Variants in POU2F1 observed in about 807,000 individuals in gnomAD.
The protein encoded by POU2F1 is POU class 2 homeobox 1.
A neutral mutation model predicts 84.9 loss-of-function variants in POU2F1; 16 were observed. The observed-to-expected ratio is 0.19, with a 90% CI of 0.13 to 0.29. The LOEUF is 0.29. Ranked by LOEUF, POU2F1 falls within the 10% of genes least tolerant of loss-of-function variation. The pLI, the probability that POU2F1 is intolerant of heterozygous loss-of-function variation, is 1.00. For missense variants in POU2F1, 738 were observed against 942.6 expected (o/e 0.78, Z 2.84); for synonymous variants, 368 against 368.3 (o/e 1.00, Z 0.01).
chr1:167,395,140 A>G (rs1056302090), intron 9 of POU2F1, among the ~76,000 whole-genome samples: 1 of 152,228 alleles, frequency 6.6e-6, no homozygotes, highest in Non-Finnish European at 1.5e-5. Context: ...CAACTATCTT[A>G]CGCTTTTTTC....
chr1:167,375,680 A>G (rs1660279870), intron 6 of POU2F1, among the ~76,000 whole-genome samples: 1 of 152,218 alleles, frequency 6.6e-6, no homozygotes, highest in African/African-American at 2.4e-5. Context: ...AAGATCAATC[A>G]AATATTTAAA....
chr1:167,294,640 T>C (rs1654165012), intron 1 of POU2F1, among the ~76,000 whole-genome samples: 1 of 152,118 alleles, frequency 6.6e-6, no homozygotes, highest in Non-Finnish European at 1.5e-5. Context: ...CAAAATAAGA[T>C]ATACAAGTGG....
At chr1:167,275,037 T>G (rs1008163906) in intron 1 of POU2F1, among the ~76,000 whole-genome samples, 1 of 148,208 alleles carries the variant, frequency 6.7e-6, no homozygotes, top group African/African-American at 2.5e-5. Context: ...AATGTATTTT[T>G]TTTTTTTTTT....
Position 167,370,155 on chromosome 1 carries a change from T to C in POU2F1, c.229-6T>C, listed in dbSNP as rs745341979. 1 of 1,603,412 alleles carries C rather than the reference T, an allele frequency of 6.2e-7. No homozygotes were observed. The highest frequency in any genetic ancestry group is 8.5e-7 in the Non-Finnish European group (1 of 1,172,670). ...TTAAACTAGAACTTCCCCTGATTAC[T>C]TATAGGTCCAACTCGCTGGAACAAG... On this transcript the variant is annotated splice_region_variant and splice_polypyrimidine_tract_variant and intron_variant, in intron 3 of 15. Transcript: ENST00000367866.
intron 8 of POU2F1, among the ~76,000 whole-genome samples, chr1:167,387,479 T>C (rs1333621341): frequency 1.3e-5 from 2 of 152,222 alleles, no homozygotes; most frequent in African/African-American, 2.4e-5. Context: ...AACTTTGTTA[T>C]TGTCATTGAA....
intron 2 of POU2F1, among the ~76,000 whole-genome samples, chr1:167,345,797 A>G (rs1658152525): frequency 6.6e-6 from 1 of 152,142 alleles, no homozygotes; most frequent in Non-Finnish European, 1.5e-5. Context: ...ATTTATGTTC[A>G]ATATTTAAGT....
At chr1:167,304,207 GATTTTTC>G (rs772109746) in intron 1 of POU2F1, among the ~76,000 whole-genome samples, 2 of 152,108 alleles carry the variant, frequency 1.3e-5, no homozygotes, top group South Asian at 2.1e-4. Flanking sequence ...GTTTCACATG[GATTTTTC>G]TTTTGATATA....
Position 167,411,880 on chromosome 1 carries a change from T to C in POU2F1, c.1556-79T>C, listed in dbSNP as rs141489443. 387 of 1,301,898 alleles carry C rather than the reference T, an allele frequency of 3.0e-4. 1 individual carries two copies. The East Asian group carries it at 8.5e-3, about 29-fold the overall frequency. The allele number at this position is 1,301,898 out of a possible 1,614,324, so 80.6% of individuals were successfully genotyped here. On this transcript the variant is annotated intron_variant, in intron 13 of 15. Transcript: ENST00000367866. ...GGTAGGTTAATTATTCCATTGATTA[T>C]AGAGTTTGGCTGAGTAAAGCCACCA...
chr1:167,415,336 G>C (rs896494602), intron 15 of POU2F1, among the ~76,000 whole-genome samples, 164 bp from the exon 16 acceptor site: 3 of 152,002 alleles, frequency 2.0e-5, no homozygotes, highest in African/African-American at 7.3e-5. Flanking sequence ...AACTACAATT[G>C]GTATCAATAT....
At chr1:167,413,152 CGT>C in intron 15 of POU2F1, 38 bp downstream of exon 15, 1 of 1,464,270 alleles carries the variant, frequency 6.8e-7, no homozygotes, top group Non-Finnish European at 9.3e-7. Flanking sequence ...GTGGCATGCA[CGT>C]GTGTGTGAGT....
intron 1 of POU2F1, among the ~76,000 whole-genome samples, chr1:167,255,528 A>G (rs1269141287): frequency 6.6e-6 from 1 of 152,228 alleles, no homozygotes; most frequent in African/African-American, 2.4e-5. Context: ...ATTAAAGAAT[A>G]TGAAGAAAGG....
chr1:167,363,832 T>C (rs886428028), intron 2 of POU2F1, among the ~76,000 whole-genome samples: 2 of 152,206 alleles, frequency 1.3e-5, no homozygotes, highest in Admixed American at 6.5e-5. Context: ...GTTCTATACC[T>C]AATTATTCAT....
chr1:167,236,480 A>T (rs948853598), intron 1 of POU2F1, among the ~76,000 whole-genome samples: 2 of 152,180 alleles, frequency 1.3e-5, no homozygotes, highest in Non-Finnish European at 2.9e-5. Flanking sequence ...ATTAGTTTTC[A>T]AATGTACAAC....
chr1:167,262,982 G>A (rs1232885234), intron 1 of POU2F1, among the ~76,000 whole-genome samples: 1 of 152,206 alleles, frequency 6.6e-6, no homozygotes, highest in Non-Finnish European at 1.5e-5. Flanking sequence ...TCAGTAGACA[G>A]TGGGGAGCCA....
chr1:167,287,427 T>G (rs991626148), intron 1 of POU2F1, among the ~76,000 whole-genome samples: 3 of 152,176 alleles, frequency 2.0e-5, no homozygotes, highest in African/African-American at 7.2e-5. Flanking sequence ...AATATTAGCC[T>G]GTAACCCAAA....
chr1:167,410,409 C>G (rs1046119199), intron 13 of POU2F1, among the ~76,000 whole-genome samples: 2 of 152,048 alleles, frequency 1.3e-5, no homozygotes, highest in African/African-American at 4.8e-5. Flanking sequence ...GGTTTTAAAA[C>G]AGATTTTTGG....
At chr1:167,404,665 G>C (rs532331259) in intron 13 of POU2F1, among the ~76,000 whole-genome samples, 6 of 152,260 alleles carry the variant, frequency 3.9e-5, no homozygotes, top group Non-Finnish European at 5.9e-5. Flanking sequence ...AATAGCCCTT[G>C]AATCACCCTG....
chr1:167,373,513 A>G (rs1300270748), intron 5 of POU2F1, among the ~76,000 whole-genome samples: 2 of 152,172 alleles, frequency 1.3e-5, no homozygotes, highest in Admixed American at 6.5e-5. Context: ...TTTCATAGAG[A>G]TAATGTGTTG....
intron 1 of POU2F1, among the ~76,000 whole-genome samples, chr1:167,224,780 A>AAGT (rs2102322596): frequency 6.6e-6 from 1 of 150,670 alleles, no homozygotes; most frequent in South Asian, 2.1e-4. Flanking sequence ...TGCATCTGTC[A>AAGT]AGTAGTTTCC....
Sources: allele counts gnomAD v4.1 joint callset (sites outside exome capture counted in the v4.1 genomes callset), GRCh38; gene constraint gnomAD v4.1.1; transcripts MANE v1.5; gene names NCBI Gene and HGNC (gene_info 2026-07-23, HGNC 2026-07-21).